The following RARB variants were observed in gnomAD, a reference collection of about 807,000 sequenced individuals.
RARB encodes the protein HBV-activated protein.
In RARB, 17 loss-of-function variants were observed where a neutral mutation model predicts 51.9. The observed-to-expected ratio is 0.33, with a 90% CI of 0.22 to 0.49. The LOEUF (loss-of-function observed/expected upper bound fraction) is 0.49, where lower values mean the gene tolerates loss of function less well. RARB is among the 20% of genes least tolerant of loss of function. RARB has a pLI of 0.99. For synonymous variants in RARB, 215 were observed against 195.4 expected (o/e 1.10, Z -0.84); for missense variants, 369 against 550.8 (o/e 0.67, Z 3.30).
At chr3:24,887,560 C>T (rs1005745743) in intron 2 of RARB, among the ~76,000 whole-genome samples, 1 of 152,152 alleles carries the variant, frequency 6.6e-6, no homozygotes, top group Non-Finnish European at 1.5e-5. Flanking sequence ...AACTAAGAGA[C>T]ATAGCAGCAA....
intron 3 of RARB, among the ~76,000 whole-genome samples, chr3:25,129,228 ACT>A (rs1699907517): frequency 6.6e-6 from 1 of 152,010 alleles, no homozygotes; most frequent in South Asian, 2.1e-4. Flanking sequence ...TTTATTCCAC[ACT>A]CTATCAATTT....
rs867980692 is a variant in RARB, at chr3:25,576,536, G to A, written c.610-4010G>A. 4.9e-4 allele frequency among the ~76,000 whole-genome samples: 75 copies of A among 152,302 alleles called. No individual in the cohort carries two copies. The Middle Eastern group carries it at 0.017, about 35-fold the overall frequency. ...TGAAGGGGCTGCAGATGGATAGATG[G>A]TCCTTTCCAAGGTCATGTCCCAGCT... is the stretch of plus-strand genomic sequence containing the variant. On this transcript the variant is annotated intron_variant, in intron 4 of 7. Coordinates refer to ENST00000330688, the MANE Select transcript of RARB (RefSeq NM_000965.5).
At chr3:25,261,050 A>G (rs1347934793) in intron 5 of RARB, among the ~76,000 whole-genome samples, 1 of 152,114 alleles carries the variant, frequency 6.6e-6, no homozygotes. Flanking sequence ...TCTACCTCCT[A>G]GGGTTGTTGT....
At chr3:24,940,990 C>T (rs748423490) in intron 2 of RARB, among the ~76,000 whole-genome samples, 2 of 152,050 alleles carry the variant, frequency 1.3e-5, no homozygotes, top group Non-Finnish European at 2.9e-5. Flanking sequence ...CAGGGCCAAC[C>T]AACATTAAAT....
At chr3:25,333,196 C>T (rs551581265) in intron 5 of RARB, among the ~76,000 whole-genome samples, 153 of 151,934 alleles carry the variant, frequency 1.0e-3, no homozygotes, top group African/African-American at 3.5e-3. Flanking sequence ...CATATGGAAC[C>T]AAAAAAGAGC....
exon 5 of RARB, chr3:25,174,416 G>T (rs748638067): frequency 7.4e-7 from 1 of 1,352,058 alleles, no homozygotes; most frequent in Non-Finnish European, 9.8e-7. Flanking sequence ...CAGCGGCCAC[G>T]CATGTCCGGT....
chr3:24,969,197 G>A (rs1054785541), intron 2 of RARB, among the ~76,000 whole-genome samples: 8 of 152,162 alleles, frequency 5.3e-5, no homozygotes, highest in African/African-American at 1.9e-4. Context: ...GTTTATGCAT[G>A]TTTATTTCCC....
rs189533997 is a variant in RARB, at chr3:25,046,140, A to C, written c.-379-13985A>C. Among the ~76,000 whole-genome samples the C allele has an allele frequency of 3.8e-3, 581 of 152,308 alleles. 3 individuals are homozygous for C. The highest frequency in any genetic ancestry group is 0.013 in the African/African-American group (561 of 41,566). ...TCTGGGGTTGAATGGGAAATTAGGG[A>C]AAGAAAATGAGGTCAAGAAAGGCAT... On this transcript the variant is annotated intron_variant, in intron 2 of 11. Coordinates refer to the RARB transcript ENST00000383772.
intron 5 of RARB, among the ~76,000 whole-genome samples, chr3:25,385,616 T>G (rs1475850911): frequency 6.6e-6 from 1 of 152,116 alleles, no homozygotes; most frequent in African/African-American, 2.4e-5. Flanking sequence ...CAAGTCTGTA[T>G]TAGTTGACCT....
chr3:24,864,548 A>G (rs1702814059), intron 2 of RARB, among the ~76,000 whole-genome samples: 1 of 151,900 alleles, frequency 6.6e-6, no homozygotes, highest in Non-Finnish European at 1.5e-5. Context: ...TTCAACTCAG[A>G]CTCACTCTCT....
chr3:25,061,995 GT>G (rs1698560030), intron 3 of RARB, among the ~76,000 whole-genome samples: 2 of 151,668 alleles, frequency 1.3e-5, no homozygotes, highest in Non-Finnish European at 3.0e-5. Flanking sequence ...AATAAAAGTG[GT>G]TTTCAACTTA....
At chr3:25,065,137 A>G (rs1257759364) in intron 3 of RARB, among the ~76,000 whole-genome samples, 1 of 146,648 alleles carries the variant, frequency 6.8e-6, no homozygotes, top group African/African-American at 2.5e-5. Context: ...TTTTTTTTTC[A>G]GTTTCTGGAG....
intron 2 of RARB, among the ~76,000 whole-genome samples, chr3:24,949,306 A>G (rs552887353): frequency 1.3e-5 from 2 of 152,356 alleles, no homozygotes; most frequent in Non-Finnish European, 2.9e-5. Flanking sequence ...GAGCTGATGT[A>G]GACATCCCAA....
At chr3:25,542,627 A>T (rs891205157) in intron 3 of RARB, among the ~76,000 whole-genome samples, 1 of 152,374 alleles carries the variant, frequency 6.6e-6, no homozygotes, top group East Asian at 1.9e-4. Context: ...ACAAAATTTT[A>T]TGTAACGAAG....
intron 2 of RARB, among the ~76,000 whole-genome samples, chr3:24,954,950 C>G (rs1190289708): frequency 6.6e-6 from 1 of 152,044 alleles, no homozygotes; most frequent in Non-Finnish European, 1.5e-5. Flanking sequence ...GGGTGTGTTA[C>G]AGATAATGCT....
chr3:24,887,136 T>C (rs1703282481), intron 2 of RARB, among the ~76,000 whole-genome samples: 1 of 152,208 alleles, frequency 6.6e-6, no homozygotes, highest in South Asian at 2.1e-4. Flanking sequence ...TACAAAATAG[T>C]CTATTCATAA....
At chr3:25,368,887 C>A (rs1706215440) in intron 5 of RARB, among the ~76,000 whole-genome samples, 1 of 152,144 alleles carries the variant, frequency 6.6e-6, no homozygotes, top group Non-Finnish European at 1.5e-5. Context: ...AATTGGCTGC[C>A]CGTTTGCACT....
intron 5 of RARB, among the ~76,000 whole-genome samples, chr3:25,285,687 A>G (rs144157467): frequency 1.6e-4 from 24 of 152,320 alleles, no homozygotes; most frequent in African/African-American, 5.5e-4. Flanking sequence ...TGGGTAACGA[A>G]TTGGAGGGAA....
rs138754945 is a variant in RARB at position 25,461,266 on chromosome 3, G to A, written c.231G>A (p.Val77=). 9 of 1,613,708 alleles carry A rather than the reference G, an allele frequency of 5.6e-6. No individual in the cohort carries two copies. The highest frequency in any genetic ancestry group is 1.7e-5 in the Admixed American group (1 of 59,958). ...CATCTCCACTTCCTCCCCCTCGAGT[G>A]TACAAACCCTGCTTCGTCTGCCAGG... is the stretch of plus-strand genomic sequence containing the variant. ...SPPSPLPPPR[V]YKPCFVCQDK... Residue 77 remains valine (V), a synonymous_variant, in exon 2 of 8, where the codon GTG becomes GTA. Transcript: ENST00000330688.
Sources: allele counts gnomAD v4.1 joint callset (sites outside exome capture counted in the v4.1 genomes callset), GRCh38; gene constraint gnomAD v4.1.1; transcripts MANE v1.5; gene names NCBI Gene and HGNC (gene_info 2026-07-23, HGNC 2026-07-21).